CC2D1B: variants seen among roughly 807,000 people sequenced by gnomAD.
CC2D1B encodes the protein coiled-coil and C2 domain containing 1B, also known as coiled-coil and C2 domain-containing protein 1B.
CC2D1B carries 92 observed loss-of-function variants against 110.8 expected under a neutral mutation model. That is an observed-to-expected ratio of 0.83 (90% CI 0.70 to 0.99). The LOEUF is 0.99. CC2D1B is among the 50% of genes least tolerant of loss of function. The pLI, the probability that CC2D1B is intolerant of heterozygous loss-of-function variation, is 0.00. For missense variants in CC2D1B, 1,136 were observed against 1,089.0 expected (o/e 1.04, Z -0.61); for synonymous variants, 406 against 429.2 (o/e 0.95, Z 0.67).
At chr1:52,359,577 C>T (rs762901394) in intron 8 of CC2D1B, 43 bp from the exon 9 acceptor site, 1 of 1,602,062 alleles carries the variant, frequency 6.2e-7, no homozygotes, top group South Asian at 1.1e-5. Flanking sequence ...AGACAGGGGA[C>T]CCCAAGAGCC....
rs140467530 is a variant in CC2D1B at position 52,358,352 on chromosome 1, C to T, written c.1440G>A (p.Pro480=). The change falls in exon 13 of 25, where the codon CCG becomes CCA. Residue 480 remains proline, a synonymous_variant. Coordinates refer to ENST00000284376, the MANE Select transcript of CC2D1B (RefSeq NM_001330585.2). ...EKLASAEDSA[P]ADKDEDEGEP... ...AAACCTCGTCCTCGTCTTTATCAGCCGGGGCTGAATCCTCTGCAGAGGCCA... is the reference window on the plus strand; with the variant it reads ...AAACCTCGTCCTCGTCTTTATCAGCTGGGGCTGAATCCTCTGCAGAGGCCA... The T allele has an allele frequency of 3.1e-4, 508 of 1,614,056 alleles. No homozygotes were observed. Among genetic ancestry groups the T allele is most frequent in the Non-Finnish European group, 3.8e-4 (453 of 1,179,956 alleles).
Position 52,361,412 on chromosome 1 carries a change from C to CA in CC2D1B, c.318+100dup, listed in dbSNP as rs371618020. ...GGAGGGGCAAGCACTCACTCAGAGT[C>CA]AGAGAATACAGGGGCACCCCCAGCC... On this transcript the variant is annotated intron_variant, in intron 4 of 24. Transcript: ENST00000284376. 613 of 1,566,626 alleles carry CA rather than the reference C, an allele frequency of 3.9e-4. 13 individuals carry two copies. In the East Asian group the frequency reaches 6.2e-3, roughly 16 times the overall value.
intron 21 of CC2D1B, 71 bp from the exon 22 acceptor site, chr1:52,355,010 C>T (rs1309630869): frequency 1.6e-6 from 2 of 1,284,404 alleles, no homozygotes; most frequent in African/African-American, 1.5e-5. Flanking sequence ...AATGGAGGCC[C>T]AGGGCTGGCT....
At chr1:52,356,632 T>C (rs1569839381) in intron 16 of CC2D1B, 190 bp from the exon 17 acceptor site, 2 of 644,104 alleles carry the variant, frequency 3.1e-6, no homozygotes, top group East Asian at 2.7e-5. Context: ...TCATTTTCTC[T>C]TCTGAGGAGA....
In CC2D1B at chr1:52,361,135, AG is replaced by A; in HGVS notation, c.319-4del. On this transcript the variant is annotated splice_region_variant and splice_polypyrimidine_tract_variant and intron_variant, in intron 4 of 24. Coordinates refer to ENST00000284376, the MANE Select transcript of CC2D1B (RefSeq NM_001330585.2). Reference sequence around the variant, plus strand: ...CCTAAGACCTCCTGCAGCTCCGTCTAGGGAGACAAAACACAGCCCAGGAGCT... The same window carrying A: ...CCTAAGACCTCCTGCAGCTCCGTCTAGGAGACAAAACACAGCCCAGGAGCT... 1.2e-6 allele frequency: 2 copies of A among 1,614,018 alleles called. No individual in the cohort carries two copies. The highest frequency in any genetic ancestry group is 1.7e-6 in the Non-Finnish European group (2 of 1,179,954).
intron 5 of CC2D1B, chr1:52,360,768 C>T (rs906272758): frequency 2.1e-5 from 19 of 893,880 alleles, no homozygotes; most frequent in Middle Eastern, 3.4e-4. Context: ...ATATGGCTCC[C>T]GGGGGGTAGT....
Position 52,356,195 on chromosome 1 carries a change from T to G in CC2D1B, c.2045A>C (p.Gln682Pro), listed in dbSNP as rs1196073998. 6.2e-7 allele frequency: 1 copy of G among 1,605,218 alleles called. No individual in the cohort carries two copies. The highest frequency in any genetic ancestry group is 1.3e-5 in the African/African-American group (1 of 74,444). Residue 682 changes from glutamine (Q) to proline (P), a missense_variant, in exon 18 of 25, where the codon CAG becomes CCG. Transcript: ENST00000284376. ...PTHHFELKTF[Q>P]TVRIFSELNS... ...CCCTAGGCCTTGGTACCTCACAGTC[T>G]GGAATGTCTTCAACTCAAAGTGGTG...
rs772150622 is a variant in CC2D1B at position 52,354,973 on chromosome 1, G to A, written c.2240-34C>T. On this transcript the variant is annotated intron_variant, in intron 21 of 24. Transcript: ENST00000284376. ...GGGGGAGAAAGCAAGGAGGGGCTTG[G>A]CTCTCGGGATTTCCTGAGGAAGTGG... 60 of 1,552,872 alleles carry A rather than the reference G, an allele frequency of 3.9e-5. 2 individuals are homozygous for A. In the South Asian group the frequency reaches 6.3e-4, roughly 16 times the overall value.
chr1:52,355,769 A>G lies in CC2D1B; in HGVS notation c.2128+2T>C. The G allele has an allele frequency of 6.2e-7, 1 of 1,614,010 alleles. No individual in the cohort carries two copies. The highest frequency in any genetic ancestry group is 8.5e-7 in the Non-Finnish European group (1 of 1,179,956). Reference sequence around the variant, plus strand: ...CTGGAGTAGGGGCGGCCCTAGGGTTACCTGGAGGGGCTGGGAGGTTCATTC... The same window carrying G: ...CTGGAGTAGGGGCGGCCCTAGGGTTGCCTGGAGGGGCTGGGAGGTTCATTC... On this transcript the variant is annotated splice_donor_variant, in intron 19 of 24. Transcript: ENST00000284376. LOFTEE classifies it high-confidence loss of function.
chr1:52,362,540 T>C, intron 3 of CC2D1B, 62 bp downstream of exon 3: 1 of 1,599,920 alleles, frequency 6.3e-7, no homozygotes, highest in Admixed American at 1.7e-5. Flanking sequence ...AGGGAACCCC[T>C]CTACCACCAG....
At chr1:52,364,448 T>C (rs976025588) in intron 2 of CC2D1B, 104 bp downstream of exon 2, 1 of 648,046 alleles carries the variant, frequency 1.5e-6, no homozygotes, top group Non-Finnish European at 2.6e-6. Context: ...CTGCTCCAAG[T>C]CTCTGAACTA....
rs144573732 is a variant in CC2D1B at position 52,355,623 on chromosome 1, A to T, written c.2172T>A (p.Phe724Leu). 2.5e-4 allele frequency: 401 copies of T among 1,614,196 alleles called. 2 individuals are homozygous for T. In the African/African-American group the frequency reaches 4.6e-3, roughly 19 times the overall value. Residue 724 changes from phenylalanine to leucine, a missense_variant, in exon 20 of 25, where the codon TTT (phenylalanine) becomes TTA (leucine). Transcript: ENST00000284376. The part of the protein sequence containing the change: ...DDLDAFVRFE[F>L]HYPNSDQAQK... Reference sequence around the variant, plus strand: ...TGAACCTCACCGAGTTAGGGTAGTGAAACTCAAACCGCACAAAAGCATCCA... The same window carrying T: ...TGAACCTCACCGAGTTAGGGTAGTGTAACTCAAACCGCACAAAAGCATCCA...
chr1:52,355,295 T>G, intron 21 of CC2D1B, 103 bp downstream of exon 21: 1 of 1,182,458 alleles, frequency 8.5e-7, no homozygotes, highest in Non-Finnish European at 1.2e-6. Context: ...ATCTCCCAAG[T>G]GGGGTGGATC....
chr1:52,353,193 G>A lies in CC2D1B; in HGVS notation c.*32C>T. The stretch of plus-strand genomic sequence containing the variant: ...GAAAGTCATCTCCTGCACAGTCGCG[G>A]CCTGACTCCTCTCCTGGTGCTGGCC... On this transcript the variant is annotated 3_prime_UTR_variant, in exon 25 of 25. Transcript: ENST00000284376. The A allele has an allele frequency of 7.5e-7, 1 of 1,336,196 alleles. No homozygotes were observed. The highest frequency in any genetic ancestry group is 9.9e-7 in the Non-Finnish European group (1 of 1,010,526). 82.8% of individuals were successfully genotyped at this position (1,336,196 alleles called of 1,614,324 possible).
rs1043223919 is a variant in CC2D1B at position 52,352,267 on chromosome 1, A to T, written c.*958T>A. 3 of 152,520 alleles carry T rather than the reference A, an allele frequency of 2.0e-5. No homozygotes were observed. Among genetic ancestry groups the T allele is most frequent in the African/African-American group, 7.2e-5 (3 of 41,582 alleles). The allele number at this position is 152,520 out of a possible 1,614,324, so 9.4% of individuals were successfully genotyped here. ...ACAAACCCCTTCATAGTCTCCATCCATTCAGAAAAACAAAGCCAAAGGAGA... is the reference window on the plus strand; with the variant it reads ...ACAAACCCCTTCATAGTCTCCATCCTTTCAGAAAAACAAAGCCAAAGGAGA... On this transcript the variant is annotated 3_prime_UTR_variant, in exon 25 of 25. Transcript: ENST00000284376.
chr1:52,359,955 C>T, intron 7 of CC2D1B, 72 bp from the exon 8 acceptor site: 1 of 1,560,812 alleles, frequency 6.4e-7, no homozygotes, highest in Non-Finnish European at 8.7e-7. Context: ...ACTTCACTGG[C>T]TTGAGGATGT....
rs2147885717 is a variant in CC2D1B, at chr1:52,351,336, T to C, written c.*1889A>G. ...CCAACAGAGGCCTGAATTTAGAAAC[T>C]CCTAGAGCTGGCTGGAACTTTAGAG... is the stretch of plus-strand genomic sequence containing the variant. On this transcript the variant is annotated 3_prime_UTR_variant, in exon 25 of 25. Transcript: ENST00000284376. The C allele has an allele frequency of 6.6e-6, 1 of 152,242 alleles. No homozygotes were observed. The highest frequency in any genetic ancestry group is 2.1e-4 in the South Asian group (1 of 4,822). The allele number at this position is 152,242 out of a possible 1,614,324, so 9.4% of individuals were successfully genotyped here. A position where few individuals can be genotyped will look rare whatever the true frequency, so the allele number is the denominator to read the frequency against.
At chr1:52,358,253 G>A (rs1320250591) in intron 13 of CC2D1B, 78 bp downstream of exon 13, 48 of 1,541,980 alleles carry the variant, frequency 3.1e-5, no homozygotes, top group Non-Finnish European at 3.9e-5. Flanking sequence ...GGGCTTGTTA[G>A]TATGGACAAC....
At chr1:52,360,933 C>T (rs886953374) in intron 5 of CC2D1B, 41 bp downstream of exon 5, 3 of 1,610,868 alleles carry the variant, frequency 1.9e-6, no homozygotes, top group Admixed American at 3.3e-5. Flanking sequence ...TCTGGGCGCA[C>T]AGGAGCATCA....
Sources: allele counts gnomAD v4.1 joint callset, GRCh38; gene constraint gnomAD v4.1.1; transcripts MANE v1.5; gene names NCBI Gene and HGNC (gene_info 2026-07-23, HGNC 2026-07-21).